Variants in SVIL observed in about 807,000 individuals in gnomAD.
The protein encoded by SVIL is supervillin.
SVIL carries 101 observed loss-of-function variants against 240.4 expected under a neutral mutation model. The observed-to-expected ratio is 0.42, with a 90% CI of 0.36 to 0.50. The LOEUF (loss-of-function observed/expected upper bound fraction) is 0.50, where lower values mean the gene tolerates loss of function less well. Ranked by LOEUF, SVIL falls within the 20% of genes least tolerant of loss-of-function variation. SVIL has a pLI of 0.01. For missense variants in SVIL, 2,512 were observed against 2,818.7 expected (o/e 0.89, Z 2.46); for synonymous variants, 999 against 1,100.0 (o/e 0.91, Z 1.82).
At chr10:29,491,343 C>G (rs568747001) in intron 21 of SVIL, among the ~76,000 whole-genome samples, 1 of 152,212 alleles carries the variant, frequency 6.6e-6, no homozygotes, top group African/African-American at 2.4e-5. Flanking sequence ...TTCCCTCCCC[C>G]CTACCACGCC....
intron 1 of SVIL, among the ~76,000 whole-genome samples, chr10:29,712,446 G>A (rs930391532): frequency 6.6e-6 from 1 of 152,102 alleles, no homozygotes; most frequent in Non-Finnish European, 1.5e-5. Context: ...TCTCTCTCTT[G>A]CCTTCTCTCT....
chr10:29,630,450 G>C (rs1260363258), intron 1 of SVIL, among the ~76,000 whole-genome samples: 1 of 152,040 alleles, frequency 6.6e-6, no homozygotes, highest in Non-Finnish European at 1.5e-5. Flanking sequence ...TCTCTAAGAG[G>C]GACAGAGATC....
chr10:29,696,481 G>A (rs1454145783), intron 1 of SVIL, among the ~76,000 whole-genome samples: 1 of 150,950 alleles, frequency 6.6e-6, no homozygotes, highest in Non-Finnish European at 1.5e-5. Flanking sequence ...GTCTCTGCCC[G>A]GCTGCCATCC....
intron 3 of SVIL, among the ~76,000 whole-genome samples, chr10:29,556,753 C>T (rs1004447678): frequency 1.3e-5 from 2 of 152,160 alleles, no homozygotes; most frequent in African/African-American, 4.8e-5. Flanking sequence ...GGAGAGGAGG[C>T]TTGGTCAATA....
intron 6 of SVIL, among the ~76,000 whole-genome samples, chr10:29,549,538 C>T (rs1287055505): frequency 6.9e-6 from 1 of 144,966 alleles, no homozygotes; most frequent in Non-Finnish European, 1.5e-5. Flanking sequence ...ACCCAAAGGA[C>T]TATAAATCAT....
intron 6 of SVIL, among the ~76,000 whole-genome samples, chr10:29,544,157 C>T (rs376206707): frequency 6.6e-6 from 1 of 152,182 alleles, no homozygotes; most frequent in East Asian, 1.9e-4. Flanking sequence ...TCAAATGCAG[C>T]ACAGTCAAAT....
intron 3 of SVIL, among the ~76,000 whole-genome samples, chr10:29,650,871 G>T (rs1011203209): frequency 2.0e-5 from 3 of 152,154 alleles, no homozygotes; most frequent in African/African-American, 7.2e-5. Flanking sequence ...ATCACTTGAG[G>T]CCAGTAGTTT....
At chr10:29,594,563 T>TC (rs1354518934) in intron 1 of SVIL, among the ~76,000 whole-genome samples, 2 of 150,642 alleles carry the variant, frequency 1.3e-5, no homozygotes, top group Admixed American at 6.6e-5. Context: ...TTTTTTCTTT[T>TC]TTTTTTTTTT....
chr10:29,720,653 G>C (rs1963916735), intron 1 of SVIL, among the ~76,000 whole-genome samples: 3 of 152,146 alleles, frequency 2.0e-5, no homozygotes. Flanking sequence ...TATTATTTAA[G>C]CTTTTAAAAG....
chr10:29,634,500 T>TA lies in SVIL; in HGVS notation c.-282dup, dbSNP rs1460590029. ...ACTGCAATTCCTTATTTTTCTAATT[T>TA]AAAAAACAAAACAAAACACGTTATA... On this transcript the variant is annotated 5_prime_UTR_variant, in exon 1 of 38. Coordinates refer to ENST00000355867, the MANE Select transcript of SVIL (RefSeq NM_021738.3). 6.6e-6 allele frequency: 1 copy of TA among 152,214 alleles called. No individual in the cohort carries two copies. Among genetic ancestry groups the TA allele is most frequent in the African/African-American group, 2.4e-5 (1 of 41,448 alleles). 9.4% of individuals were successfully genotyped at this position (152,214 alleles called of 1,614,324 possible).
chr10:29,705,037 A>G (rs1451929757), intron 1 of SVIL, among the ~76,000 whole-genome samples: 1 of 152,204 alleles, frequency 6.6e-6, no homozygotes, highest in Non-Finnish European at 1.5e-5. Flanking sequence ...TGCCTTTGAA[A>G]TGTAATGAGA....
At chr10:29,712,326 G>C (rs745640660) in intron 1 of SVIL, among the ~76,000 whole-genome samples, 3 of 152,200 alleles carry the variant, frequency 2.0e-5, no homozygotes, top group Non-Finnish European at 4.4e-5. Context: ...TTTCTGGGGG[G>C]CGGGGAGGCA....
At chr10:29,461,485 C>T (rs925457691) in intron 36 of SVIL, among the ~76,000 whole-genome samples, 2 of 152,000 alleles carry the variant, frequency 1.3e-5, no homozygotes, top group South Asian at 2.1e-4. Flanking sequence ...TAAAATTACT[C>T]GAATTTCCTA....
chr10:29,596,220 C>T (rs906763182), intron 1 of SVIL, among the ~76,000 whole-genome samples: 2 of 152,196 alleles, frequency 1.3e-5, no homozygotes, highest in Non-Finnish European at 2.9e-5. Flanking sequence ...CCTGTATTCC[C>T]AGCCCTTTGG....
At chr10:29,602,138 T>C (rs1399248603) in intron 1 of SVIL, 3 of 384,834 alleles carry the variant, frequency 7.8e-6, no homozygotes, top group Admixed American at 4.0e-5. Context: ...TATGGAGCTA[T>C]TGGCAACTCT....
intron 6 of SVIL, among the ~76,000 whole-genome samples, chr10:29,542,528 T>A (rs114466714): frequency 0.016 from 2,506 of 152,226 alleles, 78 homozygotes; most frequent in African/African-American, 0.056. Flanking sequence ...CTTTTTTTTT[T>A]AAATTTTTAA....
At chr10:29,482,258 T>C (rs965689360) in intron 27 of SVIL, among the ~76,000 whole-genome samples, 28 of 152,136 alleles carry the variant, frequency 1.8e-4, no homozygotes, top group African/African-American at 6.5e-4. Context: ...GGTCTTGAAC[T>C]CCTGGCCTTA....
In SVIL at chr10:29,642,059, T is replaced by C. The variant is rs939342087; in HGVS notation, c.-201+15910A>G. On this transcript the variant is annotated intron_variant, in intron 3 of 35. Transcript: ENST00000375400. ...GGCCATCCTTCCTATTCCTGTCTAG[T>C]TTGTTCTCTCTGCTCAGAATGCCTT... is the stretch of plus-strand genomic sequence containing the variant. Among the ~76,000 whole-genome samples the C allele has an allele frequency of 5.9e-5, 9 of 152,246 alleles. No individual in the cohort carries two copies. In the South Asian group the frequency reaches 1.9e-3, roughly 32 times the overall value.
intron 18 of SVIL, among the ~76,000 whole-genome samples, chr10:29,497,470 C>T (rs2132425892): frequency 6.6e-6 from 1 of 152,328 alleles, no homozygotes; most frequent in East Asian, 1.9e-4. Context: ...TATGAAGCCT[C>T]AAAGCTCTCC....
Sources: allele counts gnomAD v4.1 joint callset (sites outside exome capture counted in the v4.1 genomes callset), GRCh38; gene constraint gnomAD v4.1.1; transcripts MANE v1.5; gene names NCBI Gene and HGNC (gene_info 2026-07-23, HGNC 2026-07-21).